Variants in GALNS observed in about 807,000 individuals in gnomAD.
GALNS encodes galactosamine (N-acetyl)-6-sulfatase.
GALNS carries 65 observed loss-of-function variants against 65.9 expected under a neutral mutation model. The ratio of observed to expected loss-of-function variants is 0.99; its 90% CI spans 0.81 to 1.21. GALNS has a LOEUF of 1.21. Among genes scored for constraint, GALNS ranks in the 50% most tolerant of loss-of-function variants. The pLI is 0.00. For missense variants in GALNS, 776 were observed against 700.7 expected (o/e 1.11, Z -1.21); for synonymous variants, 346 against 288.9 (o/e 1.20, Z -2.00).
Position 88,840,997 on chromosome 16 carries a change from G to C in GALNS, c.417C>G (p.Gly139=), listed in dbSNP as rs759142064. The C allele has an allele frequency of 1.2e-6, 2 of 1,612,724 alleles. No individual in the cohort carries two copies. The highest frequency in any genetic ancestry group is 1.3e-5 in the African/African-American group (1 of 75,032). The change falls in exon 4 of 14, where the codon GGC becomes GGG. Residue 139 remains glycine, a synonymous_variant. Coordinates refer to ENST00000268695, the MANE Select transcript of GALNS (RefSeq NM_000512.5). The part of the protein sequence containing the change: ...KKAGYVSKIV[G]KWHLGHRPQF... Reference sequence around the variant, plus strand: ...GGCGTGGCCAGGAGACTTACCACTTGCCGACAATCTTGCTGACGTAGCCGG... The same window carrying C: ...GGCGTGGCCAGGAGACTTACCACTTCCCGACAATCTTGCTGACGTAGCCGG...
chr16:88,849,492 G>A (rs1022942168), intron 1 of GALNS, among the ~76,000 whole-genome samples: 1 of 152,068 alleles, frequency 6.6e-6, no homozygotes, highest in Non-Finnish European at 1.5e-5. Flanking sequence ...TCACCATGTT[G>A]GCCAGGCTGG....
intron 1 of GALNS, 130 bp from the exon 2 acceptor site, chr16:88,842,959 G>A (rs145447148): frequency 6.5e-6 from 10 of 1,529,326 alleles, no homozygotes; most frequent in African/African-American, 2.7e-5. Context: ...CCCAGCCAGC[G>A]GCAGAGCTCG....
At chr16:88,855,030 C>T (rs1297439791) in intron 1 of GALNS, 6 of 358,934 alleles carry the variant, frequency 1.7e-5, no homozygotes, top group Non-Finnish European at 2.7e-5. Context: ...CCACCCTGCA[C>T]GGCCTGAACC....
intron 1 of GALNS, chr16:88,856,451 C>T (rs1175147649): frequency 2.9e-6 from 2 of 700,622 alleles, no homozygotes; most frequent in Admixed American, 4.0e-5. Context: ...GGCCACCCAC[C>T]TGCCAGGGAG....
In GALNS at chr16:88,814,372, C is replaced by T; in HGVS notation, c.*67G>A. ...GTTGGGGGAGGACCGAGGCCAGAGC[C>T]ATCCTTCCTCCAGGCACTTGCAGGG... On this transcript the variant is annotated 3_prime_UTR_variant, in exon 14 of 14. Coordinates refer to ENST00000268695, the MANE Select transcript of GALNS (RefSeq NM_000512.5). 1 of 1,546,624 alleles carries T rather than the reference C, an allele frequency of 6.5e-7. No homozygotes were observed. Among genetic ancestry groups the T allele is most frequent in the South Asian group, 1.2e-5 (1 of 83,950 alleles).
In GALNS at chr16:88,818,052, C is replaced by T; in HGVS notation, c.1437G>A (p.Leu479=). The T allele has an allele frequency of 1.3e-6, 2 of 1,582,880 alleles. No individual in the cohort carries two copies. The highest frequency in any genetic ancestry group is 1.7e-6 in the Non-Finnish European group (2 of 1,169,532). ...CGTTGAGCTGGGGCTGCGCGGGGACCAAGGCCTCCTGGTGCTGCTGGACGA... is the reference window on the plus strand; with the variant it reads ...CGTTGAGCTGGGGCTGCGCGGGGACTAAGGCCTCCTGGTGCTGCTGGACGA... The part of the protein sequence containing the change: ...TSVVQQHQEA[L]VPAQPQLNVC... Residue 479 remains leucine (L), a synonymous_variant, in exon 13 of 14, where the codon TTG becomes TTA. Transcript: ENST00000268695.
intron 12 of GALNS, among the ~76,000 whole-genome samples, chr16:88,821,141 A>G (rs1346787309): frequency 5.3e-5 from 8 of 151,358 alleles, no homozygotes. Context: ...CTGGGGCTTA[A>G]AACAATGAAA....
chr16:88,842,590 A>G, intron 2 of GALNS, 116 bp downstream of exon 2: 2 of 1,289,468 alleles, frequency 1.6e-6, no homozygotes, highest in Non-Finnish European at 2.2e-6. Flanking sequence ...CCCTCCCTGC[A>G]GTAGTAGGAA....
intron 12 of GALNS, among the ~76,000 whole-genome samples, chr16:88,819,174 G>T (rs1047619064): frequency 6.6e-6 from 1 of 152,182 alleles, no homozygotes; most frequent in Non-Finnish European, 1.5e-5. Context: ...CAGGGACGGG[G>T]ATGCGCCCCC....
At chr16:88,856,334 G>A (rs1306968387) in intron 1 of GALNS, 5 of 702,612 alleles carry the variant, frequency 7.1e-6, no homozygotes, top group Non-Finnish European at 1.3e-5. Flanking sequence ...CAGGGCGGCA[G>A]GAGCAGCCTC....
At chr16:88,826,559 C>G (rs1910943065) in intron 10 of GALNS, 143 bp downstream of exon 10, 2 of 1,000,772 alleles carry the variant, frequency 2.0e-6, no homozygotes, top group Non-Finnish European at 2.9e-6. Context: ...TCTCAGGCAC[C>G]CCTGCCTCCT....
At chr16:88,836,346 C>T (rs1437915295) in intron 5 of GALNS, 79 bp from the exon 6 acceptor site, 4 of 1,159,524 alleles carry the variant, frequency 3.4e-6, no homozygotes, top group Non-Finnish European at 3.8e-6. Flanking sequence ...ACCAGCAAAG[C>T]CATGGGCTTC....
intron 8 of GALNS, among the ~76,000 whole-genome samples, chr16:88,833,454 C>CG (rs1555521205): frequency 7.1e-6 from 1 of 141,170 alleles, no homozygotes; most frequent in East Asian, 2.0e-4. Context: ...CTCCCATCCC[C>CG]TTTTTTTTTT....
chr16:88,846,411 G>T (rs79706987), intron 1 of GALNS, among the ~76,000 whole-genome samples: 1 of 152,172 alleles, frequency 6.6e-6, no homozygotes, highest in African/African-American at 2.4e-5. Context: ...AAGCTGCAGG[G>T]GCAAGAGGTC....
At chr16:88,847,194 G>C (rs1342862175) in intron 1 of GALNS, among the ~76,000 whole-genome samples, 1 of 151,954 alleles carries the variant, frequency 6.6e-6, no homozygotes, top group Non-Finnish European at 1.5e-5. Flanking sequence ...AACAAGGTGA[G>C]ACCCCATCTC....
chr16:88,817,979 G>T (rs1202534831), intron 13 of GALNS, 28 bp downstream of exon 13: 1 of 1,538,214 alleles, frequency 6.5e-7, no homozygotes, highest in Admixed American at 1.8e-5. Context: ...CCGGCAAAGA[G>T]ACGGCCGCCC....
Position 88,835,752 on chromosome 16 carries a change from G to T in GALNS, c.731C>A (p.Pro244His), listed in dbSNP as rs754393880. 1.2e-6 allele frequency: 2 copies of T among 1,614,008 alleles called. No individual in the cohort carries two copies. The highest frequency in any genetic ancestry group is 3.3e-5 in the Admixed American group (2 of 60,010). ...ATHAPVYASK[P>H]FLGTSQRGRY... ...CCCTCGCTGACTGGTGCCCAAGAAG[G>T]GTTTGGAGGCATAGACGGGTGCGTG... is the stretch of plus-strand genomic sequence containing the variant. The change falls in exon 7 of 14, where the codon CCC becomes CAC. Residue 244 changes from proline (P) to histidine (H), a missense_variant. Coordinates refer to ENST00000268695, the MANE Select transcript of GALNS (RefSeq NM_000512.5).
At chr16:88,855,219 C>T (rs772337919) in intron 1 of GALNS, 77 of 696,928 alleles carry the variant, frequency 1.1e-4, no homozygotes, top group Admixed American at 4.2e-4. Context: ...TGAGCTGCCC[C>T]GCCTCACCCC....
At chr16:88,855,402 T>C (rs914854699) in intron 1 of GALNS, 9 of 702,580 alleles carry the variant, frequency 1.3e-5, no homozygotes, top group African/African-American at 8.7e-5. Flanking sequence ...AGTGAAAGGA[T>C]GAAATTCTGA....
Sources: allele counts gnomAD v4.1 joint callset (sites outside exome capture counted in the v4.1 genomes callset), GRCh38; gene constraint gnomAD v4.1.1; transcripts MANE v1.5; gene names NCBI Gene and HGNC (gene_info 2026-07-23, HGNC 2026-07-21).